Variants in EFHC1 observed in about 807,000 individuals in gnomAD.
EFHC1 encodes EF-hand domain containing 1.
A neutral mutation model predicts 69.9 loss-of-function variants in EFHC1; 53 were observed. That is an observed-to-expected ratio of 0.76 (90% CI 0.61 to 0.95). The LOEUF (loss-of-function observed/expected upper bound fraction) is 0.95, where lower values mean the gene tolerates loss of function less well. Among genes scored for constraint, EFHC1 ranks in the 40% least tolerant of loss-of-function variants. EFHC1 has a pLI of 0.00. For synonymous variants in EFHC1, 256 were observed against 278.4 expected, an observed-to-expected ratio of 0.92 and a Z score of 0.80; for missense variants, 739 against 798.7, an observed-to-expected ratio of 0.93 and a Z score of 0.90.
chr6:52,422,595 TC>T (rs1444461970), intron 1 of EFHC1, among the ~76,000 whole-genome samples: 4 of 152,182 alleles, frequency 2.6e-5, no homozygotes, highest in African/African-American at 9.7e-5. Flanking sequence ...AAAGTTTTTT[TC>T]ATAAAAATAT....
In EFHC1 at chr6:52,478,227, A is replaced by G. The variant is rs1334330362; in HGVS notation, c.1279-810A>G. On this transcript the variant is annotated intron_variant, in intron 7 of 10. Coordinates refer to ENST00000371068, the MANE Select transcript of EFHC1 (RefSeq NM_018100.4). The stretch of plus-strand genomic sequence containing the variant: ...ACTCATAGGTGGGAATTGAACAATG[A>G]GATCACATGGACACAGGAAGGGGAA... 3.3e-5 allele frequency among the ~76,000 whole-genome samples: 5 copies of G among 151,192 alleles called. No homozygotes were observed. The East Asian group carries it at 9.7e-4, about 29-fold the overall frequency.
intron 4 of EFHC1, 155 bp from the exon 5 acceptor site, chr6:52,453,940 G>T (rs1287413032): frequency 6.6e-7 from 1 of 1,507,904 alleles, no homozygotes; most frequent in Admixed American, 2.0e-5. Flanking sequence ...TAGTATGTTT[G>T]ATGAATATTT....
At chr6:52,450,622 C>A (rs1764894343) in intron 3 of EFHC1, among the ~76,000 whole-genome samples, 1 of 152,074 alleles carries the variant, frequency 6.6e-6, no homozygotes, top group East Asian at 1.9e-4. Flanking sequence ...ATTAGGACTG[C>A]AACCCCTGCT....
At chr6:52,467,005 T>C (rs887529578) in intron 6 of EFHC1, among the ~76,000 whole-genome samples, 1 of 151,820 alleles carries the variant, frequency 6.6e-6, no homozygotes. Flanking sequence ...CCCAAGTTTC[T>C]TGGCAGCATT....
intron 3 of EFHC1, among the ~76,000 whole-genome samples, chr6:52,450,859 C>T (rs941961185): frequency 1.3e-5 from 2 of 152,154 alleles, no homozygotes; most frequent in Non-Finnish European, 2.9e-5. Flanking sequence ...CGTGCAGTGG[C>T]GTGCTCTCAG....
At chr6:52,449,062 A>G (rs970145825) in intron 3 of EFHC1, among the ~76,000 whole-genome samples, 2 of 152,180 alleles carry the variant, frequency 1.3e-5, no homozygotes, top group Non-Finnish European at 2.9e-5. Context: ...CTCCTCCTCA[A>G]CTTTTTGGAA....
At chr6:52,458,268 GA>G (rs138415672) in intron 5 of EFHC1, among the ~76,000 whole-genome samples, 19,855 of 150,676 alleles carry the variant, frequency 0.13, 1,370 homozygotes, top group Middle Eastern at 0.25. Context: ...AGAGCAGGGG[GA>G]AAAAAAAAGC....
intron 4 of EFHC1, chr6:52,453,493 C>T (rs1258271045): frequency 7.8e-7 from 1 of 1,286,946 alleles, no homozygotes; most frequent in Non-Finnish European, 1.0e-6. Context: ...CATTTAACCC[C>T]TTTTAGTTCA....
rs377227885 is a variant in EFHC1, at chr6:52,479,734, G to C, written c.1587G>C (p.Ala529=). The C allele has an allele frequency of 1.9e-6, 3 of 1,614,146 alleles. No homozygotes were observed. The South Asian group carries it at 3.3e-5, about 18-fold the overall frequency. The change falls in exon 9 of 11, where the codon GCG becomes GCC. Residue 529 remains alanine (A), a synonymous_variant. Transcript: ENST00000371068. ...CCCAGTATTCACCAGAAGCACTCGCGTCAATTCAGAACCATGTCCGAAAGC... is the reference window on the plus strand; with the variant it reads ...CCCAGTATTCACCAGAAGCACTCGCCTCAATTCAGAACCATGTCCGAAAGC... ...NAAQYSPEAL[A]SIQNHVRKRE...
intron 2 of EFHC1, among the ~76,000 whole-genome samples, chr6:52,424,627 T>G (rs968639335): frequency 6.6e-6 from 1 of 152,258 alleles, no homozygotes; most frequent in Admixed American, 6.5e-5. Flanking sequence ...AGGGAACATT[T>G]CATGTTTGAT....
intron 7 of EFHC1, 88 bp from the exon 8 acceptor site, chr6:52,478,949 C>G (rs1355214442): frequency 1.6e-6 from 2 of 1,223,140 alleles, no homozygotes; most frequent in Admixed American, 3.4e-5. Context: ...TCATTTATAT[C>G]CTATACCTGG....
intron 6 of EFHC1, among the ~76,000 whole-genome samples, chr6:52,466,525 C>T (rs1048131874): frequency 6.6e-6 from 1 of 152,190 alleles, no homozygotes; most frequent in African/African-American, 2.4e-5. Flanking sequence ...GTATTCTCTG[C>T]CTCCCTCTAC....
At chr6:52,438,175 T>G (rs919740967) in intron 2 of EFHC1, 129 bp from the exon 3 acceptor site, 99 of 906,048 alleles carry the variant, frequency 1.1e-4, no homozygotes, top group Non-Finnish European at 1.6e-4. Context: ...GTATCAAGAT[T>G]TACAGGATAG....
chr6:52,469,215 AG>A, intron 6 of EFHC1, 117 bp from the exon 7 acceptor site: 1 of 1,326,696 alleles, frequency 7.5e-7, no homozygotes, highest in Admixed American at 1.9e-5. Context: ...TTGTTTATGT[AG>A]AAAATATATT....
intron 5 of EFHC1, 40 bp downstream of exon 5, chr6:52,454,327 T>C: frequency 6.2e-7 from 1 of 1,612,992 alleles, no homozygotes; most frequent in Non-Finnish European, 8.5e-7. Context: ...CTTGGGATGT[T>C]TTTAGGTTCT....
Position 52,462,504 on chromosome 6 carries a change from TCTC to T in EFHC1, c.917-2388_917-2386del, listed in dbSNP as rs200280856. On this transcript the variant is annotated intron_variant, in intron 5 of 10. Coordinates refer to ENST00000371068, the MANE Select transcript of EFHC1 (RefSeq NM_018100.4). ...AGAAGATTTGTCAAGTCAAAAGTCA[TCTC>T]CTTGAAAGGACTAATAAAGTGACAA... 4.6e-3 allele frequency among the ~76,000 whole-genome samples: 703 copies of T among 152,250 alleles called. 7 individuals carry two copies. The highest frequency in any genetic ancestry group is 0.015 in the African/African-American group (627 of 41,538).
intron 7 of EFHC1, among the ~76,000 whole-genome samples, chr6:52,478,388 C>G (rs1765590575): frequency 6.6e-6 from 1 of 151,896 alleles, no homozygotes; most frequent in South Asian, 2.1e-4. Context: ...AACTAACCTG[C>G]ACAATGTGCA....
intron 2 of EFHC1, among the ~76,000 whole-genome samples, chr6:52,431,372 T>A (rs1764410305): frequency 6.6e-6 from 1 of 152,196 alleles, no homozygotes; most frequent in Non-Finnish European, 1.5e-5. Flanking sequence ...CTGCCTTTGC[T>A]GTATCCCAGA....
chr6:52,467,360 T>G (rs1311165359), intron 6 of EFHC1, among the ~76,000 whole-genome samples: 1 of 148,952 alleles, frequency 6.7e-6, no homozygotes, highest in Non-Finnish European at 1.5e-5. Flanking sequence ...TTTGTATTTT[T>G]AGTACAGACG....
Sources: allele counts gnomAD v4.1 joint callset (sites outside exome capture counted in the v4.1 genomes callset), GRCh38; gene constraint gnomAD v4.1.1; transcripts MANE v1.5; gene names NCBI Gene and HGNC (gene_info 2026-07-23, HGNC 2026-07-21).